FBXO22: variants seen among roughly 807,000 people sequenced by gnomAD.
FBXO22 encodes the protein F-box protein 22.
Under a neutral mutation model 37.2 loss-of-function variants are expected in FBXO22, and 13 were observed. The ratio of observed to expected loss-of-function variants is 0.35; its 90% CI spans 0.23 to 0.56. The LOEUF is 0.56. Ranked by LOEUF, FBXO22 falls within the 20% of genes least tolerant of loss-of-function variation. FBXO22 has a pLI of 0.87. For missense variants in FBXO22, 446 were observed against 509.9 expected (o/e 0.87, Z 1.21); for synonymous variants, 189 against 189.1 (o/e 1.00, Z 0.00).
At chr15:75,917,138 C>CT in intron 4 of FBXO22, 92 bp from the exon 5 acceptor site, 1 of 876,876 alleles carries the variant, frequency 1.1e-6, no homozygotes, top group Admixed American at 3.1e-5. Context: ...CAGATAGTGG[C>CT]TTGTTAGCTT....
At chr15:75,908,434 G>A (rs779547751) in intron 2 of FBXO22, among the ~76,000 whole-genome samples, 4 of 151,950 alleles carry the variant, frequency 2.6e-5, no homozygotes, top group Non-Finnish European at 4.4e-5. Context: ...AGCCATACCC[G>A]GTTACTTTTT....
chr15:75,909,854 T>G (rs1900014018), intron 2 of FBXO22, among the ~76,000 whole-genome samples: 1 of 151,556 alleles, frequency 6.6e-6, no homozygotes, highest in African/African-American at 2.4e-5. Flanking sequence ...GCCATGGTGG[T>G]TTGCTGCACC....
intron 5 of FBXO22, 104 bp from the exon 6 acceptor site, chr15:75,929,780 C>T: frequency 1.5e-6 from 2 of 1,344,832 alleles, no homozygotes; most frequent in Non-Finnish European, 2.1e-6. Flanking sequence ...CACTAAATTG[C>T]CCTTAAGGTG....
At chr15:75,909,987 A>G (rs1033746771) in intron 2 of FBXO22, among the ~76,000 whole-genome samples, 1 of 151,514 alleles carries the variant, frequency 6.6e-6, no homozygotes, top group Non-Finnish European at 1.5e-5. Context: ...TCATTGTTCA[A>G]CTCCCACTTA....
chr15:75,942,227 A>G lies in FBXO22; in HGVS notation c.*9125A>G, dbSNP rs1376642650. ...TGAAACTACTGTATACAATACTATAATAGTGGATACATGACATTATATATT... is the reference window on the plus strand; with the variant it reads ...TGAAACTACTGTATACAATACTATAGTAGTGGATACATGACATTATATATT... On this transcript the variant is annotated 3_prime_UTR_variant, in exon 7 of 7. Coordinates refer to ENST00000308275, the MANE Select transcript of FBXO22 (RefSeq NM_147188.3). 1 of 152,114 alleles carries G rather than the reference A, an allele frequency of 6.6e-6. No individual in the cohort carries two copies. The highest frequency in any genetic ancestry group is 2.4e-5 in the African/African-American group (1 of 41,432). 9.4% of individuals were successfully genotyped at this position (152,114 alleles called of 1,614,324 possible). A position where few individuals can be genotyped will look rare whatever the true frequency, so the allele number is the denominator to read the frequency against.
At chr15:75,921,209 G>T (rs1040820197) in intron 5 of FBXO22, among the ~76,000 whole-genome samples, 1 of 152,186 alleles carries the variant, frequency 6.6e-6, no homozygotes, top group Non-Finnish European at 1.5e-5. Flanking sequence ...ATGAAAGACA[G>T]TATACCTCTA....
intron 5 of FBXO22, among the ~76,000 whole-genome samples, chr15:75,917,653 A>G (rs899291572): frequency 6.6e-6 from 1 of 152,258 alleles, no homozygotes; most frequent in African/African-American, 2.4e-5. Flanking sequence ...TTTTTCATAA[A>G]TACTCTGTTG....
intron 6 of FBXO22, 71 bp downstream of exon 6, chr15:75,930,120 T>C: frequency 1.2e-6 from 2 of 1,602,962 alleles, no homozygotes; most frequent in South Asian, 1.1e-5. Context: ...CACTTTGGGG[T>C]TAACAATTTA....
intron 5 of FBXO22, among the ~76,000 whole-genome samples, chr15:75,918,055 CT>C (rs1200687188): frequency 6.6e-6 from 1 of 152,160 alleles, no homozygotes; most frequent in East Asian, 1.9e-4. Context: ...AGCGTTTAGC[CT>C]TTTATCTACA....
Position 75,903,935 on chromosome 15 carries a change from T to C in FBXO22, c.-29T>C. ...GTAATCGGGTTCCTCCGAGCCGCCGTAGGACTGGTTCCGGCGGGCTGGTGA... is the reference window on the plus strand; with the variant it reads ...GTAATCGGGTTCCTCCGAGCCGCCGCAGGACTGGTTCCGGCGGGCTGGTGA... On this transcript the variant is annotated 5_prime_UTR_variant, in exon 1 of 7. Transcript: ENST00000308275. 1 of 1,515,040 alleles carries C rather than the reference T, an allele frequency of 6.6e-7. No homozygotes were observed. Among genetic ancestry groups the C allele is most frequent in the Non-Finnish European group, 8.9e-7 (1 of 1,126,486 alleles). The allele number at this position is 1,515,040 out of a possible 1,614,324, so 93.8% of individuals were successfully genotyped here.
chr15:75,932,450 C>T (rs2030065955), intron 6 of FBXO22, among the ~76,000 whole-genome samples: 1 of 152,016 alleles, frequency 6.6e-6, no homozygotes, highest in Non-Finnish European at 1.5e-5. Flanking sequence ...ATGTGCATTG[C>T]CCCTTTGTAT....
chr15:75,912,952 C>G (rs544686470), intron 2 of FBXO22, among the ~76,000 whole-genome samples: 1 of 152,318 alleles, frequency 6.6e-6, no homozygotes, highest in African/African-American at 2.4e-5. Context: ...CCCAGAGATT[C>G]TGGTACATTG....
At chr15:75,908,997 CT>C (rs893537467) in intron 2 of FBXO22, among the ~76,000 whole-genome samples, 2 of 151,724 alleles carry the variant, frequency 1.3e-5, no homozygotes, top group Admixed American at 1.3e-4. Flanking sequence ...AATGGACCAA[CT>C]TTTTTTTTCC....
rs778651491 is a variant in FBXO22, at chr15:75,913,226, A to G, written c.303A>G (p.Thr101=). ...ELENVRILPH[T]VLYMADSETF... ...AGAATGTTCGCATCTTACCACATAC[A>G]GTTCTTTACATGGCTGATTCAGAAA... Residue 101 remains threonine (T), a synonymous_variant, in exon 3 of 7, where the codon ACA becomes ACG. Transcript: ENST00000308275. 8.7e-6 allele frequency: 14 copies of G among 1,610,206 alleles called. No homozygotes were observed. Among genetic ancestry groups the G allele is most frequent in the Non-Finnish European group, 1.2e-5 (14 of 1,179,298 alleles).
chr15:75,905,050 C>G (rs1287497134), intron 2 of FBXO22, among the ~76,000 whole-genome samples: 2 of 152,148 alleles, frequency 1.3e-5, no homozygotes, highest in Non-Finnish European at 2.9e-5. Flanking sequence ...GTCTCGATCT[C>G]CTGACCTCGT....
Position 75,934,767 on chromosome 15 carries a change from A to G in FBXO22, c.*1665A>G, listed in dbSNP as rs1338117066. ...GTCCTTGAATGTGCTCATATAGCCC[A>G]TAAGGCAAATATTTTTTAAACTTTA... On this transcript the variant is annotated 3_prime_UTR_variant, in exon 7 of 7. Transcript: ENST00000308275. 1.3e-5 allele frequency: 2 copies of G among 152,242 alleles called. No homozygotes were observed. The highest frequency in any genetic ancestry group is 6.5e-5 in the Admixed American group (1 of 15,286). 9.4% of individuals were successfully genotyped at this position (152,242 alleles called of 1,614,324 possible).
intron 5 of FBXO22, among the ~76,000 whole-genome samples, chr15:75,927,110 G>T (rs952928562): frequency 1.3e-5 from 2 of 152,180 alleles, no homozygotes; most frequent in Non-Finnish European, 2.9e-5. Flanking sequence ...TTCCTGGTCG[G>T]GGGGAGGGGT....
chr15:75,917,219 T>A lies in FBXO22; in HGVS notation c.464-11T>A, dbSNP rs1305893383. 4 of 1,600,570 alleles carry A rather than the reference T, an allele frequency of 2.5e-6. No homozygotes were observed. Among genetic ancestry groups the A allele is most frequent in the Non-Finnish European group, 3.4e-6 (4 of 1,175,622 alleles). On this transcript the variant is annotated splice_polypyrimidine_tract_variant and intron_variant, in intron 4 of 6. Coordinates refer to ENST00000308275, the MANE Select transcript of FBXO22 (RefSeq NM_147188.3). ...GACTCTATTGGTGAAACTGTTTAAC[T>A]TTTTCTCTAGTGACTCCAATGGGAT...
intron 2 of FBXO22, among the ~76,000 whole-genome samples, chr15:75,908,926 C>CT (rs935120739): frequency 6.6e-6 from 1 of 152,288 alleles, no homozygotes; most frequent in Admixed American, 6.5e-5. Flanking sequence ...CTATCTGTCT[C>CT]TTTTATTAGT....
Sources: allele counts gnomAD v4.1 joint callset (sites outside exome capture counted in the v4.1 genomes callset), GRCh38; gene constraint gnomAD v4.1.1; transcripts MANE v1.5; gene names NCBI Gene and HGNC (gene_info 2026-07-23, HGNC 2026-07-21).